Variants in TMEM255B observed in about 807,000 individuals in gnomAD.
The protein encoded by TMEM255B is family with sequence similarity 70, member B.
A neutral mutation model predicts 34.5 loss-of-function variants in TMEM255B; 35 were observed. The observed-to-expected ratio is 1.01, with a 90% confidence interval of 0.77 to 1.34. TMEM255B has a LOEUF of 1.34. Ranked by LOEUF, TMEM255B falls within the 40% of genes most tolerant of loss-of-function variation. The pLI is 0.00. For missense variants in TMEM255B, 432 were observed against 433.2 expected, an observed-to-expected ratio of 1.00 and a Z score of 0.02; for synonymous variants, 206 against 201.2, an observed-to-expected ratio of 1.02 and a Z score of -0.20.
chr13:113,810,105 C>T (rs2051270921), intron 8 of TMEM255B, among the ~76,000 whole-genome samples: 2 of 152,164 alleles, frequency 1.3e-5, no homozygotes, highest in Non-Finnish European at 2.9e-5. Flanking sequence ...AGGGCGTCTG[C>T]AGTGCAGAGC....
rs562955825 is a variant in TMEM255B at position 113,769,359 on chromosome 13, C to T, written c.252+199C>T. ...AGTACCATTCACACCTTAGTCTAAG[C>T]GAGCATGGCCCTGGGTTGCTGGTGT... On this transcript the variant is annotated intron_variant, in intron 3 of 8. Coordinates refer to ENST00000375353, the MANE Select transcript of TMEM255B (RefSeq NM_182614.4). The surrounding 1 kb of genome is among the most constrained non-coding windows in gnomAD (Gnocchi z 4.2). Among the ~76,000 whole-genome samples the T allele has an allele frequency of 1.7e-4, 26 of 152,258 alleles. No homozygotes were observed. The highest frequency in any genetic ancestry group is 5.3e-4 in the African/African-American group (22 of 41,534).
intron 3 of TMEM255B, among the ~76,000 whole-genome samples, chr13:113,778,866 A>G (rs942106209): frequency 6.6e-6 from 1 of 152,258 alleles, no homozygotes; most frequent in Admixed American, 6.5e-5. Context: ...ACACCCAGAA[A>G]TGCTCACTCC....
rs1057174231 is a variant in TMEM255B at position 113,815,444 on chromosome 13, ATC to A, written c.*3544_*3545del. ...ATGGTTTTGCTGTGTCCCCACCCAA[ATC>A]TCAACTTGAATTGTATTTCCCAGAA... is the stretch of plus-strand genomic sequence containing the variant. On this transcript the variant is annotated 3_prime_UTR_variant, in exon 9 of 9. Transcript: ENST00000375353. 1 of 152,212 alleles carries A rather than the reference ATC, an allele frequency of 6.6e-6. No homozygotes were observed. Among genetic ancestry groups the A allele is most frequent in the Non-Finnish European group, 1.5e-5 (1 of 68,102 alleles). The allele number at this position is 152,212 out of a possible 1,614,324, so 9.4% of individuals were successfully genotyped here.
intron 3 of TMEM255B, among the ~76,000 whole-genome samples, chr13:113,773,522 C>T (rs1201869520): frequency 1.3e-5 from 2 of 152,234 alleles, no homozygotes. Flanking sequence ...GTTCACCTGT[C>T]CACGGGCTTC....
rs1038572965 is a variant in TMEM255B at position 113,799,572 on chromosome 13, G to C, written c.423+153G>C. ...AGCTGGTGAACCGTTGATGCCCCCTGTGTTTGGGACCTTGACATTTCGATG... is the reference window on the plus strand; with the variant it reads ...AGCTGGTGAACCGTTGATGCCCCCTCTGTTTGGGACCTTGACATTTCGATG... On this transcript the variant is annotated intron_variant, in intron 5 of 8. Coordinates refer to ENST00000375353, the MANE Select transcript of TMEM255B (RefSeq NM_182614.4). 6 of 688,282 alleles carry C rather than the reference G, an allele frequency of 8.7e-6. No individual in the cohort carries two copies. The Admixed American group carries it at 1.5e-4, about 17-fold the overall frequency. The allele number at this position is 688,282 out of a possible 1,614,324, so 42.6% of individuals were successfully genotyped here. A position where few individuals can be genotyped will look rare whatever the true frequency, so the allele number is the denominator to read the frequency against.
chr13:113,809,132 G>A (rs1277552628), intron 8 of TMEM255B, among the ~76,000 whole-genome samples: 1 of 118,080 alleles, frequency 8.5e-6, no homozygotes, highest in Non-Finnish European at 1.8e-5. Flanking sequence ...GTGGTTCCTG[G>A]GGGGAGGGGT....
intron 4 of TMEM255B, among the ~76,000 whole-genome samples, chr13:113,798,457 G>A (rs756521885): frequency 2.9e-4 from 44 of 150,978 alleles, no homozygotes; most frequent in Non-Finnish European, 5.0e-4. Context: ...ATCGAAGGAT[G>A]GATAATGGAT....
At position 113,816,057 on chromosome 13, in the gene TMEM255B, T is replaced by C. The variant is rs1238550765; in HGVS notation, c.*4154T>C. 4 of 176,112 alleles carry C rather than the reference T, an allele frequency of 2.3e-5. No individual in the cohort carries two copies. The highest frequency in any genetic ancestry group is 5.0e-5 in the Non-Finnish European group (4 of 80,094). The allele number at this position is 176,112 out of a possible 1,614,324, so 10.9% of individuals were successfully genotyped here. A position where few individuals can be genotyped will look rare whatever the true frequency, so the allele number is the denominator to read the frequency against. On this transcript the variant is annotated 3_prime_UTR_variant, in exon 9 of 9. Coordinates refer to ENST00000375353, the MANE Select transcript of TMEM255B (RefSeq NM_182614.4). Reference sequence around the variant, plus strand: ...AAGCGTGTTCGCAGCGTGTTCTGTATGGGGAGAGATGCAGTCACTGCTCAG... The same window carrying C: ...AAGCGTGTTCGCAGCGTGTTCTGTACGGGGAGAGATGCAGTCACTGCTCAG...
chr13:113,807,867 G>C (rs917508433), intron 8 of TMEM255B, among the ~76,000 whole-genome samples: 2 of 147,734 alleles, frequency 1.4e-5, no homozygotes. Flanking sequence ...TACGGGACGT[G>C]GGGGGCACAG....
At chr13:113,764,837 G>T (rs1184868787) in intron 1 of TMEM255B, among the ~76,000 whole-genome samples, 1 of 152,192 alleles carries the variant, frequency 6.6e-6, no homozygotes, top group Admixed American at 6.5e-5. Context: ...GGAGACAGCA[G>T]GTACAAAGGC....
chr13:113,795,361 G>A, intron 4 of TMEM255B, 124 bp downstream of exon 4: 1 of 993,634 alleles, frequency 1.0e-6, no homozygotes, highest in Non-Finnish European at 1.5e-6. Context: ...CCACGCTGGG[G>A]GTTGCCAGTG....
chr13:113,764,173 G>A (rs1362663835), intron 1 of TMEM255B, among the ~76,000 whole-genome samples: 1 of 152,222 alleles, frequency 6.6e-6, no homozygotes, highest in Non-Finnish European at 1.5e-5. Context: ...GGGGCTGGGG[G>A]AGCATGACTT....
At chr13:113,797,471 C>G (rs1330903570) in intron 4 of TMEM255B, among the ~76,000 whole-genome samples, 1 of 152,216 alleles carries the variant, frequency 6.6e-6, no homozygotes, top group African/African-American at 2.4e-5. Flanking sequence ...CGCCCTCCCT[C>G]CCAGCAGGAG....
At chr13:113,805,991 G>C (rs1016130587) in intron 8 of TMEM255B, among the ~76,000 whole-genome samples, 1 of 152,326 alleles carries the variant, frequency 6.6e-6, no homozygotes, top group East Asian at 1.9e-4. Context: ...GTTTCTGTGC[G>C]GGGAAGGGCA....
rs182604141 is a variant in TMEM255B at position 113,760,279 on chromosome 13, C to T, written c.46+964C>T. Among the ~76,000 whole-genome samples, 129 of 152,334 alleles carry T rather than the reference C, an allele frequency of 8.5e-4. No individual in the cohort carries two copies. The Middle Eastern group carries it at 0.02, about 24-fold the overall frequency. Reference sequence around the variant, plus strand: ...CTTTCTAAAAGAAACCACTATATGCCTTCCAATCTAAAGCAAAATGCTCTA... The same window carrying T: ...CTTTCTAAAAGAAACCACTATATGCTTTCCAATCTAAAGCAAAATGCTCTA... On this transcript the variant is annotated intron_variant, in intron 1 of 8. Transcript: ENST00000375353.
At position 113,816,025 on chromosome 13, in the gene TMEM255B, G is replaced by C; in HGVS notation, c.*4122G>C. ...TGCTCAGGGACACGGGTTCTTTTCG[G>C]GGAGGCAAGCGTGTTCGCAGCGTGT... On this transcript the variant is annotated 3_prime_UTR_variant, in exon 9 of 9. Transcript: ENST00000375353. The C allele has an allele frequency of 5.3e-6, 1 of 187,442 alleles. No individual in the cohort carries two copies. Among genetic ancestry groups the C allele is most frequent in the Non-Finnish European group, 1.2e-5 (1 of 85,590 alleles). 11.6% of individuals were successfully genotyped at this position (187,442 alleles called of 1,614,324 possible).
chr13:113,799,569 C>G lies in TMEM255B; in HGVS notation c.423+150C>G, dbSNP rs568340678. 35 of 701,960 alleles carry G rather than the reference C, an allele frequency of 5.0e-5. 1 individual carries two copies. The South Asian group carries it at 6.3e-4, about 13-fold the overall frequency. 43.5% of individuals were successfully genotyped at this position (701,960 alleles called of 1,614,324 possible). ...TGCAGCTGGTGAACCGTTGATGCCC[C>G]CTGTGTTTGGGACCTTGACATTTCG... On this transcript the variant is annotated intron_variant, in intron 5 of 8. Transcript: ENST00000375353.
chr13:113,788,796 C>T (rs542490282), intron 3 of TMEM255B, among the ~76,000 whole-genome samples: 6 of 152,240 alleles, frequency 3.9e-5, no homozygotes, highest in African/African-American at 1.2e-4. Flanking sequence ...TGGGCCCTGC[C>T]GCTGCCCTCA....
intron 3 of TMEM255B, among the ~76,000 whole-genome samples, chr13:113,793,298 C>T (rs1415799444): frequency 6.6e-6 from 1 of 152,244 alleles, no homozygotes; most frequent in Admixed American, 6.5e-5. Flanking sequence ...AGACCTACCT[C>T]TTCTCGTAAA....
Sources: allele counts gnomAD v4.1 joint callset (sites outside exome capture counted in the v4.1 genomes callset), GRCh38; gene constraint gnomAD v4.1.1; non-coding constraint Gnocchi (gnomAD v3.1); transcripts MANE v1.5; gene names NCBI Gene and HGNC (gene_info 2026-07-23, HGNC 2026-07-21).